ZNF837: variants seen among roughly 807,000 people sequenced by gnomAD.
The protein encoded by ZNF837 is zinc finger protein 837.
For missense variants in ZNF837, 955 were observed against 801.7 expected (o/e 1.19, Z -2.31); for synonymous variants, 475 against 365.2 (o/e 1.30, Z -3.43).
chr19:58,376,335 G>A (rs544873556), intron 1 of ZNF837, among the ~76,000 whole-genome samples: 1,641 of 151,892 alleles, frequency 0.011, 29 homozygotes, highest in African/African-American at 0.035. Flanking sequence ...GGCGGATCAC[G>A]AGGTCAAGAG....
At chr19:58,377,164 C>T (rs2052255473) in intron 1 of ZNF837, among the ~76,000 whole-genome samples, 1 of 148,784 alleles carries the variant, frequency 6.7e-6, no homozygotes, top group Non-Finnish European at 1.5e-5. Flanking sequence ...TTGCAGTGAG[C>T]CAAGATCGTG....
intron 1 of ZNF837, among the ~76,000 whole-genome samples, chr19:58,375,163 G>T (rs1363390191): frequency 7.1e-6 from 1 of 139,882 alleles, no homozygotes; most frequent in African/African-American, 2.7e-5. Context: ...AGAGGCTGAG[G>T]CAGAATTGCT....
At chr19:58,369,665 C>T (rs1242455562) in intron 2 of ZNF837, 154 bp downstream of exon 2, 2 of 236,268 alleles carry the variant, frequency 8.5e-6, no homozygotes, top group African/African-American at 2.2e-5. Flanking sequence ...CTTCCCCAAG[C>T]AACAGGGACT....
chr19:58,376,152 C>G (rs1020664288), intron 1 of ZNF837, among the ~76,000 whole-genome samples: 1 of 152,078 alleles, frequency 6.6e-6, no homozygotes, highest in Admixed American at 6.6e-5. Flanking sequence ...CTCCTGGCCT[C>G]AAGTGATCCC....
intron 1 of ZNF837, among the ~76,000 whole-genome samples, chr19:58,378,419 TGTCACA>T (rs1417165277): frequency 2.0e-5 from 3 of 152,232 alleles, no homozygotes; most frequent in African/African-American, 7.2e-5. Context: ...GCTGGCTTCA[TGTCACA>T]GTCTGTACAA....
At chr19:58,377,682 C>G (rs1031983527) in intron 1 of ZNF837, among the ~76,000 whole-genome samples, 10 of 152,174 alleles carry the variant, frequency 6.6e-5, no homozygotes, top group South Asian at 2.1e-4. Flanking sequence ...ACTGAACATG[C>G]TCGCTGGGAA....
intron 1 of ZNF837, among the ~76,000 whole-genome samples, chr19:58,376,820 C>T (rs1355477900): frequency 1.3e-5 from 2 of 151,824 alleles, no homozygotes; most frequent in African/African-American, 4.8e-5. Context: ...TGGCTTATGC[C>T]TATAATCCCA....
intron 1 of ZNF837, among the ~76,000 whole-genome samples, chr19:58,373,118 C>T (rs2052215492): frequency 6.6e-6 from 1 of 152,212 alleles, no homozygotes; most frequent in Non-Finnish European, 1.5e-5. Context: ...GGTGAGGCTG[C>T]CTCTCCCTCT....
At position 58,367,896 on chromosome 19, in the gene ZNF837, G is replaced by A; in HGVS notation, c.1437C>T (p.Asp479=). The change falls in exon 3 of 3, where the codon GAC becomes GAT. Residue 479 remains aspartate, a synonymous_variant. Coordinates refer to ENST00000597582, the MANE Select transcript of ZNF837 (RefSeq NM_138466.2). The part of the protein sequence containing the change: ...HSGEKPYICR[D]CGKAFVRNCS... ...AGTTGCGCACGAAGGCCTTGCCGCA[G>A]TCGCGGCAGATGTAGGGCTTCTCGC... The A allele has an allele frequency of 6.5e-7, 1 of 1,533,804 alleles. No homozygotes were observed. The highest frequency in any genetic ancestry group is 8.7e-7 in the Non-Finnish European group (1 of 1,143,536).
At chr19:58,377,094 G>A (rs1170081936) in intron 1 of ZNF837, among the ~76,000 whole-genome samples, 1 of 151,578 alleles carries the variant, frequency 6.6e-6, no homozygotes, top group African/African-American at 2.4e-5. Context: ...GCGCGCACCT[G>A]TAATCCCAGA....
chr19:58,378,991 GGACTGTGAGAGT>G (rs2052270367), intron 1 of ZNF837, among the ~76,000 whole-genome samples: 1 of 152,214 alleles, frequency 6.6e-6, no homozygotes, highest in Non-Finnish European at 1.5e-5. Context: ...CTGGCTTCCA[GGACTGTGAGAGT>G]AAATTTCTGT....
chr19:58,376,160 C>G (rs557878598), intron 1 of ZNF837, among the ~76,000 whole-genome samples: 1 of 152,184 alleles, frequency 6.6e-6, no homozygotes, highest in African/African-American at 2.4e-5. Flanking sequence ...CTCAAGTGAT[C>G]CCCCTGCCTC....
In ZNF837 at chr19:58,368,156, A is replaced by C; in HGVS notation, c.1177T>G (p.Cys393Gly). 1.3e-6 allele frequency: 2 copies of C among 1,589,046 alleles called. No individual in the cohort carries two copies. The highest frequency in any genetic ancestry group is 1.7e-6 in the Non-Finnish European group (2 of 1,169,216). ...RVHTGEKPYA[C>G]PECGKAFNQR... is the part of the protein sequence containing the mutation. ...TTGAAGGCCTTGCCGCACTCGGGGC[A>C]CGCGTAGGGCTTCTCGCCGGTGTGC... The change falls in exon 3 of 3, where the codon TGC (cysteine) becomes GGC (glycine). Residue 393 changes from cysteine (C) to glycine (G), a missense_variant. Transcript: ENST00000597582.
chr19:58,372,845 G>A (rs2052213561), intron 1 of ZNF837, among the ~76,000 whole-genome samples: 1 of 152,230 alleles, frequency 6.6e-6, no homozygotes, highest in Non-Finnish European at 1.5e-5. Context: ...GACAAGTTCT[G>A]CAGGTCACGA....
At position 58,368,369 on chromosome 19, in the gene ZNF837, A is replaced by C; in HGVS notation, c.964T>G (p.Ser322Ala). ...GGGCCACGCCGGTGGCGCTCGGCCG[A>C]GTGCGTCTTCTGGTGGCGGTACAGG... Reference protein sequence around the residue: ...SGLYRHQKTHSAERHRRGPVL... With the variant: ...SGLYRHQKTHAAERHRRGPVL... The change falls in exon 3 of 3, where the codon TCG becomes GCG. Residue 322 changes from serine to alanine, a missense_variant. Transcript: ENST00000597582. 6.5e-7 allele frequency: 1 copy of C among 1,527,896 alleles called. No individual in the cohort carries two copies. The highest frequency in any genetic ancestry group is 8.8e-7 in the Non-Finnish European group (1 of 1,142,744). The allele number at this position is 1,527,896 out of a possible 1,614,324, so 94.6% of individuals were successfully genotyped here.
intron 1 of ZNF837, among the ~76,000 whole-genome samples, chr19:58,372,106 A>G (rs1374915034): frequency 1.4e-5 from 2 of 140,524 alleles, no homozygotes; most frequent in Non-Finnish European, 3.1e-5. Flanking sequence ...CCAGGCTGGA[A>G]TGAAGTGGCA....
chr19:58,375,971 T>G (rs1224648410), intron 1 of ZNF837, among the ~76,000 whole-genome samples: 2 of 151,778 alleles, frequency 1.3e-5, no homozygotes, highest in Non-Finnish European at 2.9e-5. Context: ...CAGGCTGGAG[T>G]GCAGTGACAC....
Position 58,367,969 on chromosome 19 carries a change from G to C in ZNF837, c.1364C>G (p.Thr455Ser), listed in dbSNP as rs958266715. 3.3e-6 allele frequency: 5 copies of C among 1,532,684 alleles called. No individual in the cohort carries two copies. Among genetic ancestry groups the C allele is most frequent in the Non-Finnish European group, 1.7e-6 (2 of 1,144,048 alleles). 94.9% of individuals were successfully genotyped at this position (1,532,684 alleles called of 1,614,324 possible). Residue 455 changes from threonine (T) to serine (S), a missense_variant, in exon 3 of 3, where the codon ACC (threonine) becomes AGC (serine). Physicochemically the swap from Thr to Ser is moderately conservative, Grantham distance 58. Transcript: ENST00000597582. ...RPYGCSECGK[T>S]FRGCSELRQH... ...GCGCAGCTCGGAGCAGCCGCGGAAGGTCTTTCCGCACTCGGAGCAGCCATA... is the reference window on the plus strand; with the variant it reads ...GCGCAGCTCGGAGCAGCCGCGGAAGCTCTTTCCGCACTCGGAGCAGCCATA...
Position 58,369,035 on chromosome 19 carries a change from G to T in ZNF837, c.298C>A (p.Pro100Thr). 6.6e-7 allele frequency: 1 copy of T among 1,513,880 alleles called. No homozygotes were observed. Among genetic ancestry groups the T allele is most frequent in the Non-Finnish European group, 8.9e-7 (1 of 1,129,412 alleles). The allele number at this position is 1,513,880 out of a possible 1,614,324, so 93.8% of individuals were successfully genotyped here. Reference protein sequence around the residue: ...EPCGPTSSQNPELVIPEGLQA... With the variant: ...EPCGPTSSQNTELVIPEGLQA... ...AGCCCCTCGGGGATAACCAGCTCAG[G>T]GTTCTGAGAAGAGGTGGGGCCGCAC... Residue 100 changes from proline (P) to threonine (T), a missense_variant, in exon 3 of 3, where the codon CCT (proline) becomes ACT (threonine). Pro to Thr is a conservative substitution (Grantham distance 38). Transcript: ENST00000597582.
Sources: allele counts gnomAD v4.1 joint callset (sites outside exome capture counted in the v4.1 genomes callset), GRCh38; gene constraint gnomAD v4.1.1; transcripts MANE v1.5; gene names NCBI Gene and HGNC (gene_info 2026-07-23, HGNC 2026-07-21).